The following CPNE1 variants were observed in gnomAD, a reference collection of about 807,000 sequenced individuals.
CPNE1 encodes copine 1.
CPNE1 carries 58 observed loss-of-function variants against 63.2 expected under a neutral mutation model. That is an observed-to-expected ratio of 0.92 (90% CI 0.74 to 1.14). The LOEUF is 1.14. Ranked by LOEUF, CPNE1 falls within the 50% of genes most tolerant of loss-of-function variation. The probability of loss-of-function intolerance (pLI) is 0.00; values close to 1 mark genes in which losing one functional copy is unlikely to be tolerated. For missense variants in CPNE1, 672 were observed against 661.7 expected, an observed-to-expected ratio of 1.02 and a Z score of -0.17; for synonymous variants, 237 against 249.0, an observed-to-expected ratio of 0.95 and a Z score of 0.45.
chr20:35,632,557 T>C lies in CPNE1; in HGVS notation c.269A>G (p.Asp90Gly), dbSNP rs2032228027. The C allele has an allele frequency of 6.2e-7, 1 of 1,614,072 alleles. No individual in the cohort carries two copies. Among genetic ancestry groups the C allele is most frequent in the Non-Finnish European group, 8.5e-7 (1 of 1,179,958 alleles). ...DIDNKTPELR[D>G]DDFLGGAECS... is the part of the protein sequence containing the mutation. Reference sequence around the variant, plus strand: ...CTCAGCACCCCCTAGGAAGTCATCATCCCTCAGCTCTGGCGTCTTGTTGTC... The same window carrying C: ...CTCAGCACCCCCTAGGAAGTCATCACCCCTCAGCTCTGGCGTCTTGTTGTC... Residue 90 changes from aspartate to glycine, a missense_variant, in exon 3 of 16, where the codon GAT becomes GGT. Coordinates refer to ENST00000397443, the MANE Select transcript of CPNE1 (RefSeq NM_152925.3).
intron 1 of CPNE1, among the ~76,000 whole-genome samples, chr20:35,656,368 C>G (rs767708029): frequency 3.9e-5 from 6 of 152,084 alleles, no homozygotes; most frequent in Non-Finnish European, 8.8e-5. Flanking sequence ...AAATGTTCCC[C>G]TCAAATTTCA....
In CPNE1 at chr20:35,626,304, A is replaced by G. The variant is rs779566999; in HGVS notation, c.1551T>C (p.Gly517=). 6.2e-7 allele frequency: 1 copy of G among 1,613,244 alleles called. No individual in the cohort carries two copies. Among genetic ancestry groups the G allele is most frequent in the Non-Finnish European group, 8.5e-7 (1 of 1,179,710 alleles). The change falls in exon 16 of 16, where the codon GGT becomes GGC. Residue 517 remains glycine (G), a synonymous_variant. Transcript: ENST00000397443. ...TQLVSYFRAQ[G]WAPLKPLPPS... ...GTGGAAGTGGCTTGAGCGGGGCCCA[A>G]CCCTGGGCCCTGAAGTATGAGACCA...
At chr20:35,663,139 T>A (rs897950866) in intron 1 of CPNE1, among the ~76,000 whole-genome samples, 1 of 152,224 alleles carries the variant, frequency 6.6e-6, no homozygotes. Flanking sequence ...TCTTCCCAAC[T>A]TTTTATACTC....
chr20:35,638,777 A>G (rs749889311), intron 1 of CPNE1, among the ~76,000 whole-genome samples: 2 of 152,286 alleles, frequency 1.3e-5, no homozygotes, highest in African/African-American at 4.8e-5. Flanking sequence ...TGTGATGTTT[A>G]TAGAAAACTA....
At chr20:35,659,213 T>C (rs1415987040) in intron 1 of CPNE1, among the ~76,000 whole-genome samples, 1 of 151,760 alleles carries the variant, frequency 6.6e-6, no homozygotes, top group Non-Finnish European at 1.5e-5. Flanking sequence ...CTTTCAAATT[T>C]GAGTATCTCA....
chr20:35,629,522 G>A (rs749882735), intron 13 of CPNE1, among the ~76,000 whole-genome samples: 3 of 151,948 alleles, frequency 2.0e-5, no homozygotes, highest in Non-Finnish European at 4.4e-5. Context: ...ACCATTTTTC[G>A]GAGAACACTT....
At chr20:35,627,187 CAAA>C (rs746796889) in intron 14 of CPNE1, 90 bp downstream of exon 14, 6,537 of 530,602 alleles carry the variant, frequency 0.012, no homozygotes, top group Middle Eastern at 0.019. Flanking sequence ...GAGTCCATCT[CAAA>C]AAAAAAAAAA....
chr20:35,663,167 A>G (rs1282019267), intron 1 of CPNE1, among the ~76,000 whole-genome samples: 5 of 152,210 alleles, frequency 3.3e-5, no homozygotes, highest in African/African-American at 9.7e-5. Context: ...ATGTCTGCAC[A>G]CTTTCCACTA....
At chr20:35,644,134 C>T (rs1437572852) in intron 1 of CPNE1, among the ~76,000 whole-genome samples, 1 of 152,116 alleles carries the variant, frequency 6.6e-6, no homozygotes, top group Non-Finnish European at 1.5e-5. Flanking sequence ...GAAAGTATCC[C>T]CTGCCCGGCA....
chr20:35,645,659 A>G (rs1264296190), intron 1 of CPNE1, among the ~76,000 whole-genome samples: 1 of 152,190 alleles, frequency 6.6e-6, no homozygotes, highest in Admixed American at 6.5e-5. Context: ...TCCAATTCCA[A>G]TCTGTCAATT....
At chr20:35,660,133 T>G (rs1338604011) in intron 1 of CPNE1, among the ~76,000 whole-genome samples, 3 of 152,240 alleles carry the variant, frequency 2.0e-5, no homozygotes, top group Non-Finnish European at 4.4e-5. Context: ...GCTATGCAAA[T>G]ATGTAATCAA....
intron 1 of CPNE1, among the ~76,000 whole-genome samples, chr20:35,648,229 T>A (rs558335738): frequency 6.6e-6 from 1 of 152,276 alleles, no homozygotes; most frequent in East Asian, 1.9e-4. Context: ...GATCAGATTC[T>A]ATACTAAAAA....
intron 13 of CPNE1, 169 bp from the exon 14 acceptor site, chr20:35,627,582 G>T: frequency 3.3e-6 from 2 of 604,512 alleles, no homozygotes; most frequent in Middle Eastern, 4.7e-4. Context: ...GGAAACTAAG[G>T]TTCAAAGAGA....
In CPNE1 at chr20:35,626,338, G is replaced by A. The variant is rs1480629951; in HGVS notation, c.1517C>T (p.Pro506Leu). The stretch of plus-strand genomic sequence containing the variant: ...CCTGAAGTATGAGACCAGTTGTGTG[G>A]GCACTTCTGCGAGCACGGTCTGTGC... ...ALAQTVLAEV[P>L]TQLVSYFRAQ... Residue 506 changes from proline (P) to leucine (L), a missense_variant, in exon 16 of 16, where the codon CCC becomes CTC. By Grantham distance (98) the Pro-to-Leu change is moderately conservative. Coordinates refer to ENST00000397443, the MANE Select transcript of CPNE1 (RefSeq NM_152925.3). 3.1e-6 allele frequency: 5 copies of A among 1,614,016 alleles called. No homozygotes were observed. The highest frequency in any genetic ancestry group is 3.4e-6 in the Non-Finnish European group (4 of 1,180,032).
intron 1 of CPNE1, chr20:35,653,039 A>C: frequency 6.2e-7 from 1 of 1,613,880 alleles, no homozygotes; most frequent in Non-Finnish European, 8.5e-7. Flanking sequence ...AGACCAGGCA[A>C]ACCACTGTTT....
intron 13 of CPNE1, 96 bp from the exon 14 acceptor site, chr20:35,627,509 C>T: frequency 7.8e-7 from 1 of 1,286,892 alleles, no homozygotes; most frequent in South Asian, 1.4e-5. Flanking sequence ...GATCTCGGAA[C>T]CTGGGTGCAT....
chr20:35,663,003 CCT>C (rs565207291), intron 1 of CPNE1, among the ~76,000 whole-genome samples: 210 of 152,252 alleles, frequency 1.4e-3, no homozygotes, highest in Admixed American at 3.5e-3. Flanking sequence ...AAATGTATTC[CCT>C]GTTTCATTAA....
At position 35,630,057 on chromosome 20, in the gene CPNE1, G is replaced by C. The variant is rs571621805; in HGVS notation, c.1102+382C>G. Among the ~76,000 whole-genome samples, 3 of 152,172 alleles carry C rather than the reference G, an allele frequency of 2.0e-5. No individual in the cohort carries two copies. In the East Asian group the frequency reaches 5.8e-4, roughly 30 times the overall value. ...ACCTGTAATCCCAGCACTTTGGGAGGCCAAGGCAGGTCAATCACCTGAGGT... is the reference window on the plus strand; with the variant it reads ...ACCTGTAATCCCAGCACTTTGGGAGCCCAAGGCAGGTCAATCACCTGAGGT... On this transcript the variant is annotated intron_variant, in intron 13 of 15. Coordinates refer to ENST00000397443, the MANE Select transcript of CPNE1 (RefSeq NM_152925.3).
intron 1 of CPNE1, among the ~76,000 whole-genome samples, chr20:35,646,446 T>C (rs981226398): frequency 6.8e-6 from 1 of 147,140 alleles, no homozygotes; most frequent in Non-Finnish European, 1.5e-5. Context: ...CTAGTCTCAA[T>C]TCCTGGGCTC....
Sources: allele counts gnomAD v4.1 joint callset (sites outside exome capture counted in the v4.1 genomes callset), GRCh38; gene constraint gnomAD v4.1.1; transcripts MANE v1.5; gene names NCBI Gene and HGNC (gene_info 2026-07-23, HGNC 2026-07-21).